The following BNC2 variants were observed in gnomAD, a reference collection of about 807,000 sequenced individuals.
BNC2 encodes zinc finger protein basonuclin-2.
Under a neutral mutation model 76.3 loss-of-function variants are expected in BNC2, and 20 were observed. The ratio of observed to expected loss-of-function variants is 0.26; its 90% CI spans 0.18 to 0.38. The LOEUF is 0.38. BNC2 is among the 10% of genes least tolerant of loss of function. The probability of loss-of-function intolerance (pLI) is 1.00; values close to 1 mark genes in which losing one functional copy is unlikely to be tolerated. For synonymous variants in BNC2, 582 were observed against 514.8 expected (o/e 1.13, Z -1.77); for missense variants, 1,382 against 1,399.8 (o/e 0.99, Z 0.20).
chr9:16,523,579 G>C (rs1057021841), intron 5 of BNC2, among the ~76,000 whole-genome samples: 1 of 151,656 alleles, frequency 6.6e-6, no homozygotes, highest in African/African-American at 2.4e-5. Flanking sequence ...TTCAAAGTAT[G>C]ACTAAAGAGA....
At chr9:16,432,665 C>T (rs1200412381) in intron 6 of BNC2, among the ~76,000 whole-genome samples, 1 of 152,136 alleles carries the variant, frequency 6.6e-6, no homozygotes, top group Non-Finnish European at 1.5e-5. Flanking sequence ...CCCTCTAATG[C>T]TTTATTTGCA....
intron 3 of BNC2, among the ~76,000 whole-genome samples, chr9:16,725,031 C>T (rs1824268828): frequency 1.3e-5 from 2 of 151,986 alleles, no homozygotes; most frequent in Non-Finnish European, 2.9e-5. Context: ...ATAAAATAAT[C>T]ATAATCTAGA....
chr9:16,513,605 A>G (rs1175656703), intron 5 of BNC2, among the ~76,000 whole-genome samples: 1 of 152,172 alleles, frequency 6.6e-6, no homozygotes, highest in Admixed American at 6.5e-5. Context: ...CGCCAGGCCG[A>G]AAAGGTTCTT....
At chr9:16,463,761 A>G (rs1243918253) in intron 5 of BNC2, among the ~76,000 whole-genome samples, 2 of 152,140 alleles carry the variant, frequency 1.3e-5, no homozygotes, top group Admixed American at 6.5e-5. Flanking sequence ...CACAACTGAA[A>G]AAGACAAAAA....
At chr9:16,507,044 A>T (rs1822644267) in intron 5 of BNC2, among the ~76,000 whole-genome samples, 1 of 152,068 alleles carries the variant, frequency 6.6e-6, no homozygotes, top group Admixed American at 6.5e-5. Flanking sequence ...ATGAGCCACC[A>T]AGCCCAGCCT....
chr9:16,422,603 T>C (rs1820731237), intron 6 of BNC2, among the ~76,000 whole-genome samples: 1 of 152,138 alleles, frequency 6.6e-6, no homozygotes, highest in South Asian at 2.1e-4. Flanking sequence ...ACACTTGAAG[T>C]GGAGATGGGA....
chr9:16,554,915 G>A (rs79985424), intron 4 of BNC2, among the ~76,000 whole-genome samples: 2,258 of 152,312 alleles, frequency 0.015, 61 homozygotes, highest in African/African-American at 0.052. Flanking sequence ...CACCTTGCAT[G>A]TCTGCATTAA....
In BNC2 at chr9:16,436,464, A is replaced by T; in HGVS notation, c.1730T>A (p.Leu577His). The change falls in exon 6 of 7, where the codon CTC (leucine) becomes CAC (histidine). Residue 577 changes from leucine (L) to histidine (H), a missense_variant. Around this residue, in one of 3 missense-constraint regions of BNC2, gnomAD observed 798 missense variants for 775.5 expected, o/e 1.03. Transcript: ENST00000380672. ...AGGACTCACCATTTCCCCTGGAGTG[A>T]GTAAACTTCTATAAAATGGAGGAAC... ...QPVPPFYRSL[L>H]TPGEMVSPPT... 2 of 1,614,116 alleles carry T rather than the reference A, an allele frequency of 1.2e-6. No individual in the cohort carries two copies. Among genetic ancestry groups the T allele is most frequent in the Non-Finnish European group, 1.7e-6 (2 of 1,180,034 alleles).
At chr9:16,861,377 A>T (rs1206277629) in intron 1 of BNC2, among the ~76,000 whole-genome samples, 1 of 151,892 alleles carries the variant, frequency 6.6e-6, no homozygotes, top group East Asian at 1.9e-4. Context: ...AAATAAATAA[A>T]TAAAGACAAC....
At chr9:16,764,510 T>C (rs1249681868) in intron 1 of BNC2, among the ~76,000 whole-genome samples, 1 of 152,244 alleles carries the variant, frequency 6.6e-6, no homozygotes, top group Non-Finnish European at 1.5e-5. Context: ...CCCAAATTAA[T>C]ATTACCCAAG....
chr9:16,582,898 C>CACACACACACACAA (rs1554680093), intron 4 of BNC2, 85 bp downstream of exon 4: 15 of 785,536 alleles, frequency 1.9e-5, no homozygotes, highest in Middle Eastern at 2.3e-4. Flanking sequence ...AACAGACACA[C>CACACACACACACAA]ACACACACAC....
At chr9:16,754,676 G>C (rs1257133132) in intron 1 of BNC2, among the ~76,000 whole-genome samples, 1 of 152,030 alleles carries the variant, frequency 6.6e-6, no homozygotes, top group Non-Finnish European at 1.5e-5. Flanking sequence ...TCCTGCCTCA[G>C]CCTCCTGAGT....
intron 3 of BNC2, among the ~76,000 whole-genome samples, chr9:16,667,109 G>GCA (rs749469103): frequency 0.021 from 3,062 of 144,536 alleles, 40 homozygotes; most frequent in African/African-American, 0.024. Context: ...ACACACACAC[G>GCA]CACACACGCA....
At chr9:16,616,917 A>G (rs777425009) in intron 3 of BNC2, among the ~76,000 whole-genome samples, 5 of 152,076 alleles carry the variant, frequency 3.3e-5, no homozygotes, top group African/African-American at 4.8e-5. Flanking sequence ...GTTTTGAACC[A>G]TTCTGTCCTA....
intron 3 of BNC2, among the ~76,000 whole-genome samples, chr9:16,650,867 G>A (rs552616974): frequency 2.8e-4 from 43 of 152,262 alleles, no homozygotes; most frequent in Admixed American, 5.2e-4. Flanking sequence ...ACAAAGTTAT[G>A]TTTGTGTAAG....
chr9:16,619,006 C>G (rs1012117107), intron 3 of BNC2, among the ~76,000 whole-genome samples: 6 of 152,162 alleles, frequency 3.9e-5, no homozygotes, highest in African/African-American at 1.4e-4. Context: ...TGAAGCAATT[C>G]AAAGCATTCT....
At chr9:16,670,977 C>A (rs1477761496) in intron 3 of BNC2, among the ~76,000 whole-genome samples, 1 of 152,146 alleles carries the variant, frequency 6.6e-6, no homozygotes, top group Non-Finnish European at 1.5e-5. Context: ...TGCTTCCTGA[C>A]AACCTGAAGA....
Position 16,467,793 on chromosome 9 carries a change from T to C in BNC2, c.670-30269A>G, listed in dbSNP as rs189772626. ...CACATGTATACATATGTAACTAACC[T>C]GCACAATGTGCACATGTACCCTAAA... On this transcript the variant is annotated intron_variant, in intron 5 of 6. Transcript: ENST00000380672. Among the ~76,000 whole-genome samples the C allele has an allele frequency of 3.4e-3, 488 of 141,774 alleles. 3 individuals are homozygous for C. The highest frequency in any genetic ancestry group is 0.012 in the African/African-American group (459 of 37,668). The allele number at this position is 141,774 out of a possible 152,430, so 93.0% of individuals were successfully genotyped here.
chr9:16,510,681 T>C (rs1563816965), intron 5 of BNC2, among the ~76,000 whole-genome samples: 1 of 152,188 alleles, frequency 6.6e-6, no homozygotes, highest in Non-Finnish European at 1.5e-5. Flanking sequence ...CTATGGCACA[T>C]GACAGGATAG....
Sources: allele counts gnomAD v4.1 joint callset (sites outside exome capture counted in the v4.1 genomes callset), GRCh38; gene constraint gnomAD v4.1.1; regional missense constraint gnomAD v4.1.1; transcripts MANE v1.5; gene names NCBI Gene and HGNC (gene_info 2026-07-23, HGNC 2026-07-21).